The following CPQ variants were observed in gnomAD, a reference collection of about 807,000 sequenced individuals.
The protein encoded by CPQ is Ser-Met dipeptidase.
A neutral mutation model predicts 45.7 loss-of-function variants in CPQ; 37 were observed. The ratio of observed to expected loss-of-function variants is 0.81; its 90% confidence interval spans 0.62 to 1.07. The LOEUF is 1.07. CPQ is among the 50% of genes least tolerant of loss of function. CPQ has a pLI of 0.00. For synonymous variants in CPQ, 186 were observed against 205.8 expected (o/e 0.90, Z 0.82); for missense variants, 537 against 572.9 (o/e 0.94, Z 0.64).
chr8:96,767,738 G>A (rs542193738), intron 1 of CPQ, among the ~76,000 whole-genome samples: 64 of 137,404 alleles, frequency 4.7e-4, no homozygotes, highest in Non-Finnish European at 9.3e-4. Context: ...ATGCTTCCCA[G>A]ATTCAAGCGA....
chr8:96,956,346 G>A (rs1405016564), intron 4 of CPQ, among the ~76,000 whole-genome samples: 4 of 152,094 alleles, frequency 2.6e-5, no homozygotes, highest in Non-Finnish European at 5.9e-5. Flanking sequence ...TATGCTTCAT[G>A]TTAGCTTTGG....
rs373787200 is a variant in CPQ, at chr8:96,782,795, G to T, written c.-34-2069G>T. On this transcript the variant is annotated intron_variant, in intron 1 of 7. Transcript: ENST00000220763. ...CACAGCTCCTTCAGTATTTTGCTTA[G>T]AAATTTCTTCCATCAGATATTCTAG... Among the ~76,000 whole-genome samples the T allele has an allele frequency of 9.2e-5, 14 of 152,050 alleles. No individual in the cohort carries two copies. The East Asian group carries it at 1.7e-3, about 19-fold the overall frequency.
At chr8:96,974,177 G>A (rs558788928) in intron 5 of CPQ, among the ~76,000 whole-genome samples, 1 of 152,202 alleles carries the variant, frequency 6.6e-6, no homozygotes, top group Admixed American at 6.5e-5. Context: ...GGTGGAAAAA[G>A]ATACTCCATG....
chr8:96,887,328 A>G (rs1812318489), intron 4 of CPQ, among the ~76,000 whole-genome samples: 1 of 152,214 alleles, frequency 6.6e-6, no homozygotes, highest in Non-Finnish European at 1.5e-5. Flanking sequence ...TTACGTAACC[A>G]TAGTACATTA....
chr8:96,749,659 A>G (rs1563487538), intron 1 of CPQ, among the ~76,000 whole-genome samples: 1 of 152,206 alleles, frequency 6.6e-6, no homozygotes, highest in Non-Finnish European at 1.5e-5. Flanking sequence ...GAATTTGAGA[A>G]TAAGCGAAAT....
intron 1 of CPQ, among the ~76,000 whole-genome samples, chr8:96,685,282 T>C (rs1309054544): frequency 3.9e-5 from 6 of 152,180 alleles, no homozygotes; most frequent in Non-Finnish European, 7.3e-5. Flanking sequence ...TTCTGAGTTT[T>C]TTGACAGAAT....
intron 4 of CPQ, among the ~76,000 whole-genome samples, chr8:96,949,085 T>C (rs770675531): frequency 6.6e-6 from 1 of 152,094 alleles, no homozygotes; most frequent in Non-Finnish European, 1.5e-5. Context: ...TTTGTTTGTT[T>C]TCCATTCAGC....
chr8:96,773,321 T>A (rs540413710), intron 1 of CPQ, among the ~76,000 whole-genome samples: 1 of 152,208 alleles, frequency 6.6e-6, no homozygotes, highest in Non-Finnish European at 1.5e-5. Flanking sequence ...TAAAATATTA[T>A]CGCCATTAAG....
chr8:97,129,962 C>G (rs1009863079), intron 7 of CPQ, among the ~76,000 whole-genome samples: 4 of 152,200 alleles, frequency 2.6e-5, no homozygotes, highest in African/African-American at 9.7e-5. Flanking sequence ...TCCTGCTGCA[C>G]TAGTCGCTGC....
intron 1 of CPQ, among the ~76,000 whole-genome samples, chr8:96,714,721 T>C (rs1809653989): frequency 1.3e-5 from 2 of 152,206 alleles, no homozygotes; most frequent in Non-Finnish European, 2.9e-5. Flanking sequence ...CCCTGTTTCG[T>C]ATTTCCAGAA....
chr8:96,759,903 G>A (rs998281109), intron 1 of CPQ, among the ~76,000 whole-genome samples: 2 of 152,156 alleles, frequency 1.3e-5, no homozygotes, highest in African/African-American at 4.8e-5. Flanking sequence ...ACCCTGCAAA[G>A]TAGGAATTGT....
intron 5 of CPQ, among the ~76,000 whole-genome samples, chr8:97,004,680 T>C (rs778896178): frequency 3.0e-4 from 45 of 152,250 alleles, no homozygotes; most frequent in Non-Finnish European, 5.4e-4. Context: ...TAAAGTTTAC[T>C]TCATCCTTAA....
At chr8:96,922,140 C>T (rs774088405) in intron 4 of CPQ, among the ~76,000 whole-genome samples, 9 of 152,006 alleles carry the variant, frequency 5.9e-5, no homozygotes, top group Non-Finnish European at 1.2e-4. Flanking sequence ...TCTTGTGTGA[C>T]AACACAGAGT....
intron 5 of CPQ, among the ~76,000 whole-genome samples, chr8:96,979,214 G>T (rs966387037): frequency 7.2e-5 from 11 of 152,140 alleles, no homozygotes; most frequent in Non-Finnish European, 1.5e-4. Flanking sequence ...CTAAAGGTTG[G>T]AGTTGGTGCT....
At chr8:96,954,792 T>C (rs1338869835) in intron 4 of CPQ, among the ~76,000 whole-genome samples, 1 of 151,854 alleles carries the variant, frequency 6.6e-6, no homozygotes, top group Non-Finnish European at 1.5e-5. Flanking sequence ...TTCCCCTTCC[T>C]GTGTCCAAGT....
chr8:96,750,073 C>T (rs575355124), intron 1 of CPQ, among the ~76,000 whole-genome samples: 1 of 151,624 alleles, frequency 6.6e-6, no homozygotes, highest in South Asian at 2.1e-4. Flanking sequence ...ATTTAAGAAT[C>T]TATTTATGAA....
chr8:96,985,134 AGTT>A (rs1279724226), intron 5 of CPQ, among the ~76,000 whole-genome samples: 1 of 151,854 alleles, frequency 6.6e-6, no homozygotes, highest in Non-Finnish European at 1.5e-5. Flanking sequence ...TGGCTCTTAT[AGTT>A]GTTCTTGAGG....
intron 6 of CPQ, among the ~76,000 whole-genome samples, chr8:97,043,187 A>G (rs1810164516): frequency 6.6e-6 from 1 of 152,178 alleles, no homozygotes; most frequent in Non-Finnish European, 1.5e-5. Context: ...GGGTGCATAT[A>G]TATTTAGGAT....
chr8:96,725,118 C>T (rs190822817), intron 1 of CPQ, among the ~76,000 whole-genome samples: 48 of 152,176 alleles, frequency 3.2e-4, no homozygotes, highest in Middle Eastern at 3.2e-3. Flanking sequence ...AGGCCTCAAA[C>T]TGTAAAAGTC....
Sources: allele counts gnomAD v4.1 joint callset (sites outside exome capture counted in the v4.1 genomes callset), GRCh38; gene constraint gnomAD v4.1.1; transcripts MANE v1.5; gene names NCBI Gene and HGNC (gene_info 2026-07-23, HGNC 2026-07-21).